Variants in HHAT observed in about 807,000 individuals in gnomAD.
The protein encoded by HHAT is protein-cysteine N-palmitoyltransferase HHAT.
Under a neutral mutation model 70.8 loss-of-function variants are expected in HHAT, and 47 were observed. The ratio of observed to expected loss-of-function variants is 0.66; its 90% confidence interval spans 0.53 to 0.85. The LOEUF (loss-of-function observed/expected upper bound fraction) is 0.85, where lower values mean the gene tolerates loss of function less well. Among genes scored for constraint, HHAT ranks in the 40% least tolerant of loss-of-function variants. HHAT has a pLI of 0.00. For missense variants in HHAT, 609 were observed against 604.8 expected (o/e 1.01, Z -0.07); for synonymous variants, 228 against 247.6 (o/e 0.92, Z 0.74).
chr1:210,623,487 C>A (rs746807354), intron 10 of HHAT, 39 bp from the exon 11 acceptor site: 2 of 1,611,928 alleles, frequency 1.2e-6, no homozygotes, highest in South Asian at 2.2e-5. Flanking sequence ...ATTTTTTCCA[C>A]CCTTGTCATG....
chr1:210,620,950 A>G (rs969585815), intron 10 of HHAT, among the ~76,000 whole-genome samples: 34 of 150,636 alleles, frequency 2.3e-4, no homozygotes, highest in African/African-American at 8.1e-4. Context: ...AGCTTAGAAT[A>G]TGGGGGTAGT....
chr1:210,667,749 T>G (rs1490252334), intron 11 of HHAT, among the ~76,000 whole-genome samples: 1 of 152,192 alleles, frequency 6.6e-6, no homozygotes. Context: ...TAAGTATACA[T>G]TTTATATAAA....
At chr1:210,341,187 G>T (rs955625001) in intron 1 of HHAT, among the ~76,000 whole-genome samples, 1 of 152,214 alleles carries the variant, frequency 6.6e-6, no homozygotes, top group South Asian at 2.1e-4. Context: ...CGATGGTGAT[G>T]CTGGTATGGA....
intron 1 of HHAT, among the ~76,000 whole-genome samples, chr1:210,339,957 T>G (rs1236294596): frequency 6.6e-6 from 1 of 152,218 alleles, no homozygotes; most frequent in Non-Finnish European, 1.5e-5. Flanking sequence ...GTCTATCTAG[T>G]CATTCTTCTG....
chr1:210,448,669 C>T (rs73075504), intron 7 of HHAT, among the ~76,000 whole-genome samples: 1 of 152,272 alleles, frequency 6.6e-6, no homozygotes, highest in African/African-American at 2.4e-5. Context: ...CATGATTTCC[C>T]TGAATCTTAC....
intron 8 of HHAT, among the ~76,000 whole-genome samples, chr1:210,489,667 T>G (rs1483783191): frequency 8.5e-5 from 13 of 152,358 alleles, no homozygotes; most frequent in Non-Finnish European, 1.5e-5. Flanking sequence ...CTTCTATGTT[T>G]GCATTTCTTA....
At chr1:210,339,083 CAG>C (rs1313768329) in intron 1 of HHAT, among the ~76,000 whole-genome samples, 4 of 152,238 alleles carry the variant, frequency 2.6e-5, no homozygotes, top group African/African-American at 4.8e-5. Context: ...TGCTTAGGAA[CAG>C]AGTTTCTCTG....
intron 10 of HHAT, among the ~76,000 whole-genome samples, chr1:210,614,673 G>A (rs979686911): frequency 2.0e-5 from 3 of 151,876 alleles, no homozygotes; most frequent in Admixed American, 1.3e-4. Flanking sequence ...TTGGTTTTTT[G>A]TCCTTGTGAT....
At chr1:210,415,505 C>T (rs1044764654) in intron 6 of HHAT, among the ~76,000 whole-genome samples, 5 of 152,184 alleles carry the variant, frequency 3.3e-5, no homozygotes, top group Non-Finnish European at 7.3e-5. Flanking sequence ...TCTTGGAGAA[C>T]TCAAATTCTG....
In HHAT at chr1:210,666,538, C is replaced by T. The variant is rs183579025; in HGVS notation, c.1391-7750C>T. ...CACTCTGTTGCCCAGGCTAGAGGTGCAGTGGCACAATTTCGGCTTGCTGTA... is the reference window on the plus strand; with the variant it reads ...CACTCTGTTGCCCAGGCTAGAGGTGTAGTGGCACAATTTCGGCTTGCTGTA... On this transcript the variant is annotated intron_variant, in intron 11 of 11. Transcript: ENST00000261458. Among the ~76,000 whole-genome samples, 27 of 152,212 alleles carry T rather than the reference C, an allele frequency of 1.8e-4. No homozygotes were observed. In the East Asian group the frequency reaches 5.0e-3, roughly 28 times the overall value.
chr1:210,515,401 A>G lies in HHAT; in HGVS notation c.1043+2213A>G, dbSNP rs774982282. On this transcript the variant is annotated intron_variant, in intron 9 of 11. Coordinates refer to ENST00000261458, the MANE Select transcript of HHAT (RefSeq NM_018194.6). Reference sequence around the variant, plus strand: ...TGGCTGGGAGCAGAGTCAGTTCTCCATCTCACAGTAATCCCAGAATGGGGT... The same window carrying G: ...TGGCTGGGAGCAGAGTCAGTTCTCCGTCTCACAGTAATCCCAGAATGGGGT... 1.1e-4 allele frequency among the ~76,000 whole-genome samples: 16 copies of G among 152,258 alleles called. 1 individual carries two copies. Among genetic ancestry groups the G allele is most frequent in the South Asian group, 2.1e-4 (1 of 4,820 alleles).
chr1:210,509,491 G>GTGTTAGTTTTACC (rs1222454278), intron 8 of HHAT, among the ~76,000 whole-genome samples: 6 of 152,130 alleles, frequency 3.9e-5, no homozygotes, highest in African/African-American at 1.4e-4. Flanking sequence ...CTGGGCTCAG[G>GTGTTAGTTTTACC]TGTTAGTTTT....
At chr1:210,622,234 C>T (rs777109967) in intron 10 of HHAT, among the ~76,000 whole-genome samples, 6 of 152,128 alleles carry the variant, frequency 3.9e-5, no homozygotes, top group Non-Finnish European at 7.3e-5. Flanking sequence ...TTAGGGTGCA[C>T]GTGACCCTAG....
At chr1:210,450,695 G>A in intron 7 of HHAT, among the ~76,000 whole-genome samples, 1 of 149,812 alleles carries the variant, frequency 6.7e-6, no homozygotes, top group East Asian at 2.0e-4. Flanking sequence ...TAAATATATA[G>A]ATAAAATGTA....
chr1:210,332,654 A>G (rs1402027603), intron 1 of HHAT, among the ~76,000 whole-genome samples: 1 of 152,212 alleles, frequency 6.6e-6, no homozygotes, highest in Non-Finnish European at 1.5e-5. Context: ...TTTCTTTTGA[A>G]AAACTCCGAA....
chr1:210,493,987 A>G (rs912302073), intron 8 of HHAT, among the ~76,000 whole-genome samples: 6 of 152,208 alleles, frequency 3.9e-5, no homozygotes. Flanking sequence ...TGATGAACAC[A>G]AGACATGCTC....
intron 8 of HHAT, among the ~76,000 whole-genome samples, chr1:210,502,716 T>C (rs1326934112): frequency 6.6e-6 from 1 of 152,216 alleles, no homozygotes; most frequent in Non-Finnish European, 1.5e-5. Context: ...GATGATGCTT[T>C]GTAAATTTAA....
At chr1:210,555,151 G>T (rs1379098457) in intron 9 of HHAT, among the ~76,000 whole-genome samples, 2 of 152,136 alleles carry the variant, frequency 1.3e-5, no homozygotes, top group Non-Finnish European at 2.9e-5. Context: ...AGAAACATTT[G>T]CCACAAAGAG....
intron 1 of HHAT, among the ~76,000 whole-genome samples, chr1:210,348,240 A>C (rs2086688125): frequency 6.6e-6 from 1 of 152,134 alleles, no homozygotes; most frequent in Non-Finnish European, 1.5e-5. Context: ...GCATAGATGC[A>C]TGGCAGACAG....
Sources: allele counts gnomAD v4.1 joint callset (sites outside exome capture counted in the v4.1 genomes callset), GRCh38; gene constraint gnomAD v4.1.1; transcripts MANE v1.5; gene names NCBI Gene and HGNC (gene_info 2026-07-23, HGNC 2026-07-21).